TSPAN9: variants seen among roughly 807,000 people sequenced by gnomAD.
TSPAN9 encodes the protein tetraspanin-9.
In TSPAN9, 16 loss-of-function variants were observed where a neutral mutation model predicts 31.0. The observed-to-expected ratio is 0.52, with a 90% confidence interval of 0.35 to 0.78. The LOEUF is 0.78. TSPAN9 is among the 30% of genes least tolerant of loss of function. TSPAN9 has a pLI of 0.01. For synonymous variants in TSPAN9, 145 were observed against 121.6 expected, an observed-to-expected ratio of 1.19 and a Z score of -1.27; for missense variants, 272 against 312.5, an observed-to-expected ratio of 0.87 and a Z score of 0.98.
intron 2 of TSPAN9, among the ~76,000 whole-genome samples, chr12:3,154,014 G>A (rs1287928108): frequency 0.011 from 117 of 10,332 alleles, no homozygotes; most frequent in South Asian, 0.11. Context: ...ATATATATGT[G>A]TGTGTGTGTG....
At chr12:3,100,344 T>C (rs2098311325) in intron 2 of TSPAN9, among the ~76,000 whole-genome samples, 1 of 152,192 alleles carries the variant, frequency 6.6e-6, no homozygotes. Flanking sequence ...TCCTCTCTGG[T>C]ATTCTGCCCT....
chr12:3,181,068 TG>T (rs34401281), intron 2 of TSPAN9, among the ~76,000 whole-genome samples: 2 of 119,644 alleles, frequency 1.7e-5, no homozygotes, highest in East Asian at 4.8e-4. Context: ...GAAAGATGGG[TG>T]GGGGGGATGT....
rs893379886 is a variant in TSPAN9, at chr12:3,107,276, A to G, written c.-18+23557A>G. On this transcript the variant is annotated intron_variant, in intron 2 of 8. Coordinates refer to ENST00000011898, the MANE Select transcript of TSPAN9 (RefSeq NM_006675.5). This position sits in a 1 kb window ranked among gnomAD's most constrained non-coding sequence, Gnocchi z 4.1. ...GGGGCCAGACTGTTACTCATCCTTG[A>G]CTGTTTCTTCTGACCTCGAAATCCA... 6.6e-6 allele frequency among the ~76,000 whole-genome samples: 1 copy of G among 152,062 alleles called. No individual in the cohort carries two copies. Among genetic ancestry groups the G allele is most frequent in the Non-Finnish European group, 1.5e-5 (1 of 68,000 alleles).
At chr12:3,154,010 A>ATATG (rs1485029998) in intron 2 of TSPAN9, among the ~76,000 whole-genome samples, 41 of 147,978 alleles carry the variant, frequency 2.8e-4, no homozygotes, top group Admixed American at 8.8e-4. Context: ...TTATATATAT[A>ATATG]TGTGTGTGTG....
At chr12:3,176,529 C>T (rs932674493) in intron 2 of TSPAN9, among the ~76,000 whole-genome samples, 1 of 152,192 alleles carries the variant, frequency 6.6e-6, no homozygotes, top group South Asian at 2.1e-4. Flanking sequence ...GAAGGACATT[C>T]CGTCCACATC....
Position 3,187,168 on chromosome 12 carries a change from A to G in TSPAN9, c.-17-14009A>G, listed in dbSNP as rs2153971747. Among the ~76,000 whole-genome samples the G allele has an allele frequency of 6.6e-6, 1 of 152,242 alleles. No individual in the cohort carries two copies. Among genetic ancestry groups the G allele is most frequent in the Non-Finnish European group, 1.5e-5 (1 of 68,020 alleles). On this transcript the variant is annotated intron_variant, in intron 2 of 8. Coordinates refer to ENST00000011898, the MANE Select transcript of TSPAN9 (RefSeq NM_006675.5). This position sits in a 1 kb window ranked among gnomAD's most constrained non-coding sequence, Gnocchi z 5.2. ...GCCTCTGTTTTCTTTCACTTGGCAG[A>G]TCACCTGTGTTCATGCCGTGTGGTC...
chr12:3,219,559 G>T (rs910140675), intron 3 of TSPAN9, among the ~76,000 whole-genome samples: 1 of 152,140 alleles, frequency 6.6e-6, no homozygotes, highest in Non-Finnish European at 1.5e-5. Context: ...CTCAAATGGA[G>T]ATCCTTTGAA....
intron 3 of TSPAN9, among the ~76,000 whole-genome samples, chr12:3,268,469 CGTTCCTGCAGCCTGCCCTCTCTGT>C (rs1862586567): frequency 3.2e-4 from 31 of 95,828 alleles, no homozygotes; most frequent in African/African-American, 7.0e-4. Context: ...GCCCTCTGTG[CGTTCCTGCAGCCTGCCCTCTCTGT>C]GTTCCTGCAG....
chr12:3,078,850 A>G (rs2098296413), intron 1 of TSPAN9, among the ~76,000 whole-genome samples: 1 of 152,130 alleles, frequency 6.6e-6, no homozygotes, highest in South Asian at 2.1e-4. Flanking sequence ...ACCTATGAAC[A>G]GATATTTAAT....
intron 3 of TSPAN9, among the ~76,000 whole-genome samples, chr12:3,256,704 CT>C (rs1862354093): frequency 6.6e-6 from 1 of 152,134 alleles, no homozygotes. Flanking sequence ...TGGGTTAACT[CT>C]TTCGGGGGAC....
At chr12:3,121,632 C>T (rs1177233530) in intron 2 of TSPAN9, among the ~76,000 whole-genome samples, 1 of 146,900 alleles carries the variant, frequency 6.8e-6, no homozygotes, top group Admixed American at 7.0e-5. Context: ...CCTGCCTTGG[C>T]CTCCCAAAGT....
At position 3,137,170 on chromosome 12, in the gene TSPAN9, C is replaced by T. The variant is rs540315244; in HGVS notation, c.-18+53451C>T. Among the ~76,000 whole-genome samples the T allele has an allele frequency of 2.6e-4, 40 of 152,360 alleles. No homozygotes were observed. The South Asian group carries it at 7.5e-3, about 28-fold the overall frequency. ...GCTCCTGGGCTCCTTGTCGTCTCCT[C>T]TCTGGGATGGGTGTTCTTGAGGCCT... On this transcript the variant is annotated intron_variant, in intron 2 of 8. Coordinates refer to ENST00000011898, the MANE Select transcript of TSPAN9 (RefSeq NM_006675.5).
chr12:3,095,604 ACG>A, intron 2 of TSPAN9, among the ~76,000 whole-genome samples: 1 of 113,232 alleles, frequency 8.8e-6, no homozygotes. Flanking sequence ...CACCTCCCAG[ACG>A]GGGCGGCTGG....
chr12:3,146,140 G>A (rs997519396), intron 2 of TSPAN9, among the ~76,000 whole-genome samples: 3 of 152,244 alleles, frequency 2.0e-5, no homozygotes, highest in Non-Finnish European at 4.4e-5. Context: ...ATTGGGCCAG[G>A]CGATCTTTGA....
intron 2 of TSPAN9, among the ~76,000 whole-genome samples, chr12:3,185,610 C>T (rs1273696261): frequency 6.6e-6 from 1 of 152,180 alleles, no homozygotes; most frequent in East Asian, 1.9e-4. Flanking sequence ...CTACCTCCAC[C>T]CCGGCTGCCA....
chr12:3,217,017 G>C (rs1187996144), intron 3 of TSPAN9, among the ~76,000 whole-genome samples: 1 of 152,236 alleles, frequency 6.6e-6, no homozygotes, highest in Non-Finnish European at 1.5e-5. Context: ...GAGGAGATGA[G>C]AAGTGGCAGA....
At chr12:3,156,155 C>T (rs1159843672) in intron 2 of TSPAN9, among the ~76,000 whole-genome samples, 8 of 152,262 alleles carry the variant, frequency 5.3e-5, no homozygotes, top group African/African-American at 1.7e-4. Context: ...CCTGTGTCAG[C>T]GGCATTGAGA....
At chr12:3,104,311 GGTAA>G (rs753367853) in intron 2 of TSPAN9, among the ~76,000 whole-genome samples, 126 of 151,950 alleles carry the variant, frequency 8.3e-4, no homozygotes, top group Non-Finnish European at 1.5e-3. Flanking sequence ...GTAGAAAATC[GGTAA>G]GTGACAGTAG....
intron 8 of TSPAN9, among the ~76,000 whole-genome samples, chr12:3,282,489 G>A (rs1862915006): frequency 6.6e-6 from 1 of 152,184 alleles, no homozygotes; most frequent in Non-Finnish European, 1.5e-5. Context: ...AAACTCCTGG[G>A]CTCAAGCCAT....
Sources: gnomAD v4.1 joint callset for allele counts (sites outside exome capture counted in the v4.1 genomes callset) on GRCh38, gnomAD v4.1.1 for gene constraint, Gnocchi (gnomAD v3.1) non-coding constraint, MANE v1.5 for transcripts, NCBI Gene and HGNC (gene_info 2026-07-23, HGNC 2026-07-21) for gene names.